Variants in FRMD5 observed in about 807,000 individuals in gnomAD.
FRMD5 encodes FERM domain containing 5.
In FRMD5, 20 loss-of-function variants were observed where a neutral mutation model predicts 69.0. The ratio of observed to expected loss-of-function variants is 0.29; its 90% confidence interval spans 0.20 to 0.42. The LOEUF is 0.42. Ranked by LOEUF, FRMD5 falls within the 10% of genes least tolerant of loss-of-function variation. The pLI is 1.00. For synonymous variants in FRMD5, 271 were observed against 260.1 expected (o/e 1.04, Z -0.40); for missense variants, 595 against 708.6 (o/e 0.84, Z 1.82).
intron 1 of FRMD5, among the ~76,000 whole-genome samples, chr15:43,951,831 C>T (rs968046449): frequency 6.6e-6 from 1 of 152,112 alleles, no homozygotes; most frequent in Non-Finnish European, 1.5e-5. Context: ...GACTTGCCTG[C>T]TACTTTTCTG....
chr15:44,014,883 AT>A (rs1195465196), intron 1 of FRMD5, among the ~76,000 whole-genome samples: 2 of 152,268 alleles, frequency 1.3e-5, no homozygotes, highest in African/African-American at 2.4e-5. Context: ...TGCTGATTAC[AT>A]GTTATGTCAA....
At chr15:43,951,290 C>T (rs540951911) in intron 1 of FRMD5, among the ~76,000 whole-genome samples, 1 of 151,820 alleles carries the variant, frequency 6.6e-6, no homozygotes, top group East Asian at 1.9e-4. Context: ...GGCATGGTGG[C>T]GGGCACCTGT....
chr15:44,072,983 T>A (rs1893605570), intron 1 of FRMD5, among the ~76,000 whole-genome samples: 1 of 152,010 alleles, frequency 6.6e-6, no homozygotes, highest in African/African-American at 2.4e-5. Context: ...AAAATGTTTT[T>A]AATAGTTGGG....
intron 1 of FRMD5, among the ~76,000 whole-genome samples, chr15:44,068,749 A>T (rs1004635938): frequency 6.6e-6 from 1 of 152,214 alleles, no homozygotes; most frequent in Non-Finnish European, 1.5e-5. Context: ...AAATTTTATG[A>T]CATGTGAATC....
chr15:44,148,044 A>G (rs1432196782), intron 1 of FRMD5, among the ~76,000 whole-genome samples: 2 of 152,206 alleles, frequency 1.3e-5, no homozygotes, highest in Non-Finnish European at 2.9e-5. Flanking sequence ...CTTAAAATCT[A>G]GCATTTCTTT....
chr15:43,954,871 T>C (rs2090089998), intron 1 of FRMD5, among the ~76,000 whole-genome samples: 2 of 152,232 alleles, frequency 1.3e-5, no homozygotes. Flanking sequence ...TTAACAGCTA[T>C]TTCTTGTATG....
At chr15:43,908,009 C>T (rs565792639) in intron 5 of FRMD5, among the ~76,000 whole-genome samples, 1 of 152,214 alleles carries the variant, frequency 6.6e-6, no homozygotes, top group South Asian at 2.1e-4. Flanking sequence ...ACGTCAAGTA[C>T]TTTTTTGAAG....
At chr15:44,085,067 C>T (rs1390764565) in intron 1 of FRMD5, among the ~76,000 whole-genome samples, 3 of 152,150 alleles carry the variant, frequency 2.0e-5, no homozygotes, top group African/African-American at 7.2e-5. Flanking sequence ...TACGTACAAA[C>T]TTCACTCAGC....
At chr15:44,052,510 C>G (rs1201944994) in intron 1 of FRMD5, among the ~76,000 whole-genome samples, 1 of 152,138 alleles carries the variant, frequency 6.6e-6, no homozygotes, top group Non-Finnish European at 1.5e-5. Context: ...TAGTTGGGTA[C>G]TATTGCTTCC....
rs1473851409 is a variant in FRMD5, at chr15:43,978,660, T to G, written c.103-54351A>C. On this transcript the variant is annotated intron_variant, in intron 1 of 13. Transcript: ENST00000417257. ...TTCACCTCCCGGGTTCAAGTGATTC[T>G]CCTGCCTCAGCCTCCCAAGTAGCTG... 2.0e-5 allele frequency among the ~76,000 whole-genome samples: 3 copies of G among 152,158 alleles called. No homozygotes were observed. In the East Asian group the frequency reaches 5.8e-4, roughly 29 times the overall value.
intron 1 of FRMD5, among the ~76,000 whole-genome samples, chr15:44,099,509 A>C (rs2076605649): frequency 6.6e-6 from 1 of 152,220 alleles, no homozygotes; most frequent in South Asian, 2.1e-4. Context: ...AAACTGAAAA[A>C]AAAATGTGGA....
intron 1 of FRMD5, among the ~76,000 whole-genome samples, chr15:44,094,550 C>T (rs572521842): frequency 5.9e-5 from 9 of 152,314 alleles, no homozygotes; most frequent in African/African-American, 2.2e-4. Flanking sequence ...CAAGCTCCTA[C>T]CATGCTCAAG....
chr15:44,061,293 G>T (rs1024397758), intron 1 of FRMD5, among the ~76,000 whole-genome samples: 2 of 151,966 alleles, frequency 1.3e-5, no homozygotes, highest in African/African-American at 4.8e-5. Flanking sequence ...CAAAATCTAG[G>T]GGCAGATTTC....
chr15:43,947,771 T>C (rs977423254), intron 1 of FRMD5, among the ~76,000 whole-genome samples: 1 of 152,198 alleles, frequency 6.6e-6, no homozygotes, highest in African/African-American at 2.4e-5. Context: ...ATCTCCCTTA[T>C]TGCTGAAGCA....
chr15:44,159,079 G>GAGCGGAGGAACAGGGATGGT (rs2077572741), intron 1 of FRMD5, among the ~76,000 whole-genome samples: 1 of 152,180 alleles, frequency 6.6e-6, no homozygotes, highest in Admixed American at 6.5e-5. Context: ...ACAGGGATGG[G>GAGCGGAGGAACAGGGATGGT]AGCAGAGGAA....
At chr15:44,063,445 C>T in intron 1 of FRMD5, 1 of 187,122 alleles carries the variant, frequency 5.3e-6, no homozygotes, top group Non-Finnish European at 1.1e-5. Flanking sequence ...GAAAATTAGG[C>T]TTTCTGCTCC....
At chr15:44,163,232 T>C (rs1427680000) in intron 1 of FRMD5, among the ~76,000 whole-genome samples, 1 of 152,210 alleles carries the variant, frequency 6.6e-6, no homozygotes, top group Non-Finnish European at 1.5e-5. Flanking sequence ...TCAGCTCTTA[T>C]ATTATGTTTG....
chr15:43,876,828 A>G (rs924812711), intron 13 of FRMD5, among the ~76,000 whole-genome samples: 1 of 152,094 alleles, frequency 6.6e-6, no homozygotes, highest in Non-Finnish European at 1.5e-5. Context: ...AAGCTCCCCT[A>G]TCTTTAGACA....
intron 1 of FRMD5, among the ~76,000 whole-genome samples, chr15:44,033,904 G>A (rs1891794978): frequency 6.6e-6 from 1 of 152,126 alleles, no homozygotes; most frequent in African/African-American, 2.4e-5. Flanking sequence ...ATACTGTCTG[G>A]TATTTATTAA....
Sources: allele counts gnomAD v4.1 joint callset (sites outside exome capture counted in the v4.1 genomes callset), GRCh38; gene constraint gnomAD v4.1.1; transcripts MANE v1.5; gene names NCBI Gene and HGNC (gene_info 2026-07-23, HGNC 2026-07-21).